ROBO2: variants seen among roughly 807,000 people sequenced by gnomAD.
ROBO2 encodes the protein roundabout guidance receptor 2, also known as roundabout homolog 2.
In ROBO2, 53 loss-of-function variants were observed where a neutral mutation model predicts 160.8. The observed-to-expected ratio is 0.33, with a 90% CI of 0.26 to 0.41. The LOEUF (loss-of-function observed/expected upper bound fraction) is 0.41, where lower values mean the gene tolerates loss of function less well. ROBO2 is among the 10% of genes least tolerant of loss of function. The pLI, the probability that ROBO2 is intolerant of heterozygous loss-of-function variation, is 1.00. For synonymous variants in ROBO2, 664 were observed against 611.7 expected, an observed-to-expected ratio of 1.09 and a Z score of -1.26; for missense variants, 1,577 against 1,722.4, an observed-to-expected ratio of 0.92 and a Z score of 1.49.
chr3:76,842,286 G>T (rs1175747674), intron 2 of ROBO2, among the ~76,000 whole-genome samples: 1 of 152,132 alleles, frequency 6.6e-6, no homozygotes, highest in African/African-American at 2.4e-5. Flanking sequence ...CTGCAGTCAG[G>T]GTATTGGCTG....
chr3:77,156,537 C>T (rs2078024010), intron 2 of ROBO2, among the ~76,000 whole-genome samples: 2 of 151,784 alleles, frequency 1.3e-5, no homozygotes, highest in Admixed American at 1.3e-4. Flanking sequence ...GAACATTTTC[C>T]TGTGTATTGC....
chr3:76,053,932 A>T (rs2067745009), intron 2 of ROBO2, among the ~76,000 whole-genome samples: 1 of 152,274 alleles, frequency 6.6e-6, no homozygotes, highest in Non-Finnish European at 1.5e-5. Flanking sequence ...CAAAAATATC[A>T]TGCAAGCATA....
intron 2 of ROBO2, among the ~76,000 whole-genome samples, chr3:76,341,775 A>G (rs914476767): frequency 5.9e-5 from 9 of 152,166 alleles, no homozygotes; most frequent in Non-Finnish European, 1.3e-4. Flanking sequence ...AAAAATAACT[A>G]TTAGCTGCCA....
intron 2 of ROBO2, among the ~76,000 whole-genome samples, chr3:76,286,679 TG>T (rs566407074): frequency 6.6e-6 from 1 of 152,252 alleles, no homozygotes; most frequent in South Asian, 2.1e-4. Flanking sequence ...ATGTATGTCT[TG>T]GGTGTTGTTT....
chr3:77,153,291 AT>A (rs1194298584), intron 2 of ROBO2, among the ~76,000 whole-genome samples: 1 of 151,890 alleles, frequency 6.6e-6, no homozygotes, highest in Non-Finnish European at 1.5e-5. Flanking sequence ...GTCTATTCAG[AT>A]TTTTTTATTT....
At chr3:76,841,843 T>C (rs1182007179) in intron 2 of ROBO2, among the ~76,000 whole-genome samples, 1 of 152,338 alleles carries the variant, frequency 6.6e-6, no homozygotes, top group East Asian at 1.9e-4. Flanking sequence ...GGCTGGCAGC[T>C]AGCTGAAGCA....
At chr3:77,438,149 G>A (rs529254872) in intron 2 of ROBO2, among the ~76,000 whole-genome samples, 14 of 137,166 alleles carry the variant, frequency 1.0e-4, no homozygotes, top group East Asian at 8.5e-4. Flanking sequence ...GTGCTTGCAC[G>A]CTCTCTCTCT....
At chr3:77,294,070 C>T (rs1485749399) in intron 2 of ROBO2, among the ~76,000 whole-genome samples, 1 of 141,510 alleles carries the variant, frequency 7.1e-6, no homozygotes, top group Non-Finnish European at 1.5e-5. Flanking sequence ...GAGGCTAGAA[C>T]AGTAAAGACA....
intron 15 of ROBO2, among the ~76,000 whole-genome samples, chr3:77,578,657 A>G (rs1452447532): frequency 2.6e-5 from 4 of 152,118 alleles, no homozygotes; most frequent in Non-Finnish European, 5.9e-5. Flanking sequence ...TTGTAAAGAC[A>G]CATGCTTAAG....
At chr3:77,308,456 C>A (rs566599573) in intron 2 of ROBO2, among the ~76,000 whole-genome samples, 1 of 152,244 alleles carries the variant, frequency 6.6e-6, no homozygotes, top group Admixed American at 6.5e-5. Flanking sequence ...TGGCCTGGGA[C>A]TCCCAACGTT....
At chr3:76,355,165 A>T (rs575456567) in intron 2 of ROBO2, among the ~76,000 whole-genome samples, 5 of 151,864 alleles carry the variant, frequency 3.3e-5, no homozygotes, top group Middle Eastern at 3.4e-3. Flanking sequence ...ACCGCCACAC[A>T]TTTTAATCAG....
intron 2 of ROBO2, among the ~76,000 whole-genome samples, chr3:77,327,209 A>G (rs1341125634): frequency 2.0e-5 from 3 of 152,216 alleles, no homozygotes; most frequent in Middle Eastern, 6.3e-3. Context: ...TGTAACTAGT[A>G]CAAGTTCTGC....
At chr3:76,030,460 G>T (rs920064172) in intron 2 of ROBO2, among the ~76,000 whole-genome samples, 2 of 152,154 alleles carry the variant, frequency 1.3e-5, no homozygotes, top group South Asian at 4.1e-4. Flanking sequence ...GTCCTGAATG[G>T]TATTGCCCAG....
At chr3:76,450,346 T>A (rs559958753) in intron 2 of ROBO2, among the ~76,000 whole-genome samples, 24 of 152,346 alleles carry the variant, frequency 1.6e-4, no homozygotes, top group African/African-American at 5.8e-4. Context: ...AGACTTTAAC[T>A]TGTATAACTA....
At chr3:77,608,099 G>C (rs1005270349) in intron 21 of ROBO2, 145 bp downstream of exon 22, 2 of 745,754 alleles carry the variant, frequency 2.7e-6, no homozygotes, top group Admixed American at 4.5e-5. Context: ...TTCATTGTTT[G>C]CACTGTCTAT....
intron 2 of ROBO2, among the ~76,000 whole-genome samples, chr3:77,262,366 AAAGT>A (rs2058830329): frequency 6.6e-6 from 1 of 152,216 alleles, no homozygotes. Context: ...AGGAATTAAG[AAAGT>A]AAGTAGTAAG....
At chr3:76,746,943 G>A (rs1363545386) in intron 2 of ROBO2, among the ~76,000 whole-genome samples, 1 of 152,014 alleles carries the variant, frequency 6.6e-6, no homozygotes, top group Non-Finnish European at 1.5e-5. Flanking sequence ...GAGGATAATG[G>A]CGTCCAGGTC....
chr3:77,390,720 A>G (rs1015318969), intron 2 of ROBO2, among the ~76,000 whole-genome samples: 4 of 152,234 alleles, frequency 2.6e-5, no homozygotes, highest in African/African-American at 9.6e-5. Context: ...TTATATTTTT[A>G]AATAGCATGT....
At chr3:76,996,626 T>C (rs954074914) in intron 2 of ROBO2, among the ~76,000 whole-genome samples, 27 of 152,008 alleles carry the variant, frequency 1.8e-4, no homozygotes, top group African/African-American at 6.3e-4. Flanking sequence ...CTTTTTTTCA[T>C]TGAGCAGTGG....
Sources: allele counts gnomAD v4.1 joint callset (sites outside exome capture counted in the v4.1 genomes callset), GRCh38; gene constraint gnomAD v4.1.1; transcripts MANE v1.5; gene names NCBI Gene and HGNC (gene_info 2026-07-23, HGNC 2026-07-21).